SCFD2: variants seen among roughly 807,000 people sequenced by gnomAD.
The protein encoded by SCFD2 is sec1 family domain containing 2.
SCFD2 carries 54 observed loss-of-function variants against 58.9 expected under a neutral mutation model. The observed-to-expected ratio is 0.92, with a 90% CI of 0.74 to 1.15. The LOEUF (loss-of-function observed/expected upper bound fraction) is 1.15, where lower values mean the gene tolerates loss of function less well. Among genes scored for constraint, SCFD2 ranks in the 50% most tolerant of loss-of-function variants. SCFD2 has a pLI of 0.00. For synonymous variants in SCFD2, 321 were observed against 335.9 expected (o/e 0.96, Z 0.49); for missense variants, 805 against 836.6 (o/e 0.96, Z 0.47).
intron 5 of SCFD2, among the ~76,000 whole-genome samples, chr4:52,961,421 G>A (rs1720850610): frequency 6.6e-6 from 1 of 152,192 alleles, no homozygotes; most frequent in South Asian, 2.1e-4. Context: ...AAAGATTGAG[G>A]AAACCAGACC....
chr4:53,214,117 C>A (rs1441193575), intron 4 of SCFD2, among the ~76,000 whole-genome samples: 2 of 152,044 alleles, frequency 1.3e-5, no homozygotes, highest in African/African-American at 2.4e-5. Context: ...AGTAAACATA[C>A]GTGTGCATGT....
intron 4 of SCFD2, among the ~76,000 whole-genome samples, chr4:53,245,866 G>A (rs1044406475): frequency 1.3e-4 from 20 of 152,110 alleles, no homozygotes; most frequent in African/African-American, 4.8e-4. Context: ...TTAGGCAAGA[G>A]AAATAAATAA....
At chr4:53,088,356 T>C (rs1724373625) in intron 5 of SCFD2, among the ~76,000 whole-genome samples, 1 of 152,184 alleles carries the variant, frequency 6.6e-6, no homozygotes, top group African/African-American at 2.4e-5. Context: ...GCCAAAAGGC[T>C]TGGAGCCTAA....
Position 52,948,516 on chromosome 4 carries a change from T to G in SCFD2, c.1562-27646A>C, listed in dbSNP as rs1304941439. 8.8e-6 allele frequency: 4 copies of G among 456,574 alleles called. No individual in the cohort carries two copies. The Admixed American group carries it at 9.4e-5, about 11-fold the overall frequency. The allele number at this position is 456,574 out of a possible 1,614,324, so 28.3% of individuals were successfully genotyped here. On this transcript the variant is annotated intron_variant, in intron 5 of 8. Coordinates refer to ENST00000401642, the MANE Select transcript of SCFD2 (RefSeq NM_152540.4). ...TATCTTGAAGATGCCAATGAGCTAG[T>G]GAAAATGCAATTTAATCTGTACAGA...
chr4:52,976,064 C>T (rs1308840611), intron 5 of SCFD2, among the ~76,000 whole-genome samples: 1 of 151,212 alleles, frequency 6.6e-6, no homozygotes. Context: ...AGGAGATATA[C>T]CTAATGTTAA....
At chr4:53,113,539 T>A (rs1725231619) in intron 5 of SCFD2, among the ~76,000 whole-genome samples, 2 of 152,154 alleles carry the variant, frequency 1.3e-5, no homozygotes, top group Admixed American at 1.3e-4. Flanking sequence ...ATCTGTCTTA[T>A]CCTGACTGGT....
At chr4:53,207,577 T>TATATA (rs1728467512) in intron 4 of SCFD2, among the ~76,000 whole-genome samples, 1 of 41,576 alleles carries the variant, frequency 2.4e-5, no homozygotes, top group Non-Finnish European at 5.9e-5. Flanking sequence ...ATAATATTTA[T>TATATA]ATATATATAA....
At chr4:53,176,748 T>C (rs1727342412) in intron 4 of SCFD2, among the ~76,000 whole-genome samples, 1 of 152,064 alleles carries the variant, frequency 6.6e-6, no homozygotes, top group Non-Finnish European at 1.5e-5. Context: ...TCAGGAGTTC[T>C]AGACCAGCCT....
chr4:53,052,824 G>T (rs1352698314), intron 5 of SCFD2, among the ~76,000 whole-genome samples: 1 of 152,132 alleles, frequency 6.6e-6, no homozygotes, highest in Non-Finnish European at 1.5e-5. Context: ...CAAAGCTACT[G>T]CGACATGCAA....
At chr4:53,343,675 C>T (rs1733961685) in intron 2 of SCFD2, among the ~76,000 whole-genome samples, 1 of 152,158 alleles carries the variant, frequency 6.6e-6, no homozygotes, top group Non-Finnish European at 1.5e-5. Context: ...GACCAATATC[C>T]CTGATGAACA....
At chr4:53,264,954 T>C (rs1308512045) in intron 4 of SCFD2, among the ~76,000 whole-genome samples, 1 of 152,196 alleles carries the variant, frequency 6.6e-6, no homozygotes, top group Non-Finnish European at 1.5e-5. Context: ...TTATATTTTA[T>C]TAAAAAACCA....
At chr4:53,105,969 C>A (rs1398113121) in intron 5 of SCFD2, among the ~76,000 whole-genome samples, 1 of 151,312 alleles carries the variant, frequency 6.6e-6, no homozygotes, top group Admixed American at 6.6e-5. Context: ...TGGTGGGTGC[C>A]CCTCTGGGAC....
intron 5 of SCFD2, among the ~76,000 whole-genome samples, chr4:53,095,994 T>C (rs569815407): frequency 1.3e-5 from 2 of 152,296 alleles, no homozygotes; most frequent in South Asian, 2.1e-4. Context: ...CTTGCGGTAG[T>C]TTGCTGAGAA....
intron 1 of SCFD2, among the ~76,000 whole-genome samples, chr4:53,356,916 T>C (rs1428616456): frequency 6.6e-6 from 1 of 151,982 alleles, no homozygotes; most frequent in East Asian, 1.9e-4. Context: ...TTTTGTATTT[T>C]TTAGTAGAGA....
chr4:53,331,167 G>A (rs1488464796), intron 2 of SCFD2, among the ~76,000 whole-genome samples: 2 of 151,720 alleles, frequency 1.3e-5, no homozygotes, highest in Non-Finnish European at 2.9e-5. Flanking sequence ...ACACCCCACT[G>A]TCAACATTAG....
intron 5 of SCFD2, among the ~76,000 whole-genome samples, chr4:52,922,748 T>C (rs537593105): frequency 1.3e-5 from 2 of 152,342 alleles, no homozygotes; most frequent in East Asian, 3.9e-4. Context: ...GCTGGTCATA[T>C]GGTAACTTTG....
chr4:52,901,932 C>A (rs935601901), intron 7 of SCFD2, among the ~76,000 whole-genome samples: 1 of 152,336 alleles, frequency 6.6e-6, no homozygotes. Flanking sequence ...TTTTTCTTAA[C>A]TTTCGCTGCC....
At chr4:53,197,822 CAA>C (rs1349209590) in intron 4 of SCFD2, among the ~76,000 whole-genome samples, 2 of 147,706 alleles carry the variant, frequency 1.4e-5, no homozygotes, top group African/African-American at 5.0e-5. Context: ...TTTATAAACA[CAA>C]GTCAATGTAA....
intron 5 of SCFD2, among the ~76,000 whole-genome samples, chr4:53,032,869 G>A (rs183557830): frequency 4.9e-4 from 75 of 152,206 alleles, no homozygotes; most frequent in Non-Finnish European, 1.0e-3. Flanking sequence ...AATAATAGTA[G>A]GAGACTTTAA....
Sources: gnomAD v4.1 joint callset for allele counts (sites outside exome capture counted in the v4.1 genomes callset) on GRCh38, gnomAD v4.1.1 for gene constraint, MANE v1.5 for transcripts, NCBI Gene and HGNC (gene_info 2026-07-23, HGNC 2026-07-21) for gene names.